ARHGAP28: variants seen among roughly 807,000 people sequenced by gnomAD.
ARHGAP28 encodes rho GTPase-activating protein 28.
ARHGAP28 carries 56 observed loss-of-function variants against 90.7 expected under a neutral mutation model. The ratio of observed to expected loss-of-function variants is 0.62; its 90% CI spans 0.50 to 0.77. The LOEUF is 0.77. Among genes scored for constraint, ARHGAP28 ranks in the 30% least tolerant of loss-of-function variants. The pLI is 0.00. For synonymous variants in ARHGAP28, 308 were observed against 323.3 expected (o/e 0.95, Z 0.51); for missense variants, 869 against 900.9 (o/e 0.96, Z 0.45).
intron 1 of ARHGAP28, among the ~76,000 whole-genome samples, chr18:6,763,897 T>G (rs185829431): frequency 1.3e-4 from 20 of 152,342 alleles, no homozygotes; most frequent in African/African-American, 3.8e-4. Flanking sequence ...TGCAGTTCTC[T>G]TTATTTAGGT....
At chr18:6,889,867 C>T (rs1337277268) in intron 12 of ARHGAP28, 21 bp from the exon 13 acceptor site, 1 of 1,610,888 alleles carries the variant, frequency 6.2e-7, no homozygotes, top group Admixed American at 1.7e-5. Context: ...AATTGTATGA[C>T]ACAATGCTGT....
intron 1 of ARHGAP28, among the ~76,000 whole-genome samples, chr18:6,823,185 C>G (rs915473868): frequency 2.0e-5 from 3 of 152,226 alleles, no homozygotes; most frequent in South Asian, 2.1e-4. Flanking sequence ...AGTTGCAAAC[C>G]CATACCAACA....
intron 1 of ARHGAP28, among the ~76,000 whole-genome samples, chr18:6,796,850 A>G (rs2056445439): frequency 6.6e-6 from 1 of 152,186 alleles, no homozygotes. Context: ...CTGTGGTTTT[A>G]TATTTTATTC....
chr18:6,742,507 AT>A (rs758813951), intron 1 of ARHGAP28, among the ~76,000 whole-genome samples: 77 of 152,032 alleles, frequency 5.1e-4, no homozygotes, highest in Non-Finnish European at 9.4e-4. Context: ...TAGGTATTGA[AT>A]TTGGGAATTG....
intron 1 of ARHGAP28, among the ~76,000 whole-genome samples, chr18:6,767,779 A>G (rs192533328): frequency 3.3e-5 from 5 of 152,254 alleles, no homozygotes; most frequent in Admixed American, 3.3e-4. Context: ...CAATTACATC[A>G]TTATATGCCT....
At chr18:6,825,103 C>A (rs1215692229) in intron 2 of ARHGAP28, 139 bp downstream of exon 2, 3 of 842,916 alleles carry the variant, frequency 3.6e-6, no homozygotes, top group Non-Finnish European at 5.3e-6. Context: ...ATGATCTACT[C>A]CCACTGATTG....
Position 6,759,144 on chromosome 18 carries a change from G to A in ARHGAP28, c.122+29201G>A, listed in dbSNP as rs182476639. Among the ~76,000 whole-genome samples, 7 of 152,292 alleles carry A rather than the reference G, an allele frequency of 4.6e-5. No homozygotes were observed. In the East Asian group the frequency reaches 1.4e-3, roughly 29 times the overall value. On this transcript the variant is annotated intron_variant, in intron 1 of 17. Coordinates refer to ENST00000383472, the MANE Select transcript of ARHGAP28 (RefSeq NM_001366230.1). ...TGATACCTTACATATAGTTGGAAAG[G>A]AGGCAAATTCAGATATACTGGCAGC...
chr18:6,740,176 A>G (rs1483177471), intron 1 of ARHGAP28, among the ~76,000 whole-genome samples: 3 of 152,198 alleles, frequency 2.0e-5, no homozygotes, highest in Non-Finnish European at 4.4e-5. Context: ...TTCATAATGA[A>G]CATTGAGAAA....
Position 6,889,896 on chromosome 18 carries a change from G to C in ARHGAP28, c.1545G>C (p.Met515Ile), listed in dbSNP as rs1443942339. The change falls in exon 13 of 18, where the codon ATG becomes ATC. Residue 515 changes from methionine (M) to isoleucine (I), a missense_variant. By Grantham distance (10) the Met-to-Ile change is conservative. Transcript: ENST00000383472. ...DANRDAAQAL[M>I]TFFNKVIANE... ...ATGCTGTTTCTTCTTAGGCCCTCATGACATTCTTCAATAAAGTGATTGCCA... is the reference window on the plus strand; with the variant it reads ...ATGCTGTTTCTTCTTAGGCCCTCATCACATTCTTCAATAAAGTGATTGCCA... 1 of 1,613,976 alleles carries C rather than the reference G, an allele frequency of 6.2e-7. No homozygotes were observed. The highest frequency in any genetic ancestry group is 1.3e-5 in the African/African-American group (1 of 75,060).
Position 6,906,701 on chromosome 18 carries a change from A to T in ARHGAP28, c.2031-2259A>T, listed in dbSNP as rs76196110. ...CCCTTAGAAAATAATGTAGGAGAAA[A>T]CATTTATGATCTAAAACTAAAGAGT... On this transcript the variant is annotated intron_variant, in intron 16 of 17. Transcript: ENST00000383472. Among the ~76,000 whole-genome samples the T allele has an allele frequency of 4.9e-3, 753 of 152,338 alleles. 5 individuals are homozygous for T. Among genetic ancestry groups the T allele is most frequent in the Non-Finnish European group, 8.1e-3 (550 of 68,030 alleles).
chr18:6,836,105 G>A (rs377032822), intron 2 of ARHGAP28: 4 of 152,126 alleles, frequency 2.6e-5, no homozygotes, highest in East Asian at 1.9e-4. Flanking sequence ...CAGGAAACTC[G>A]TTTGTACTGG....
chr18:6,733,703 G>C (rs2055902765), intron 1 of ARHGAP28, among the ~76,000 whole-genome samples: 1 of 152,128 alleles, frequency 6.6e-6, no homozygotes, highest in Non-Finnish European at 1.5e-5. Context: ...ACATCTTTCT[G>C]TCCCTAATAG....
intron 1 of ARHGAP28, among the ~76,000 whole-genome samples, chr18:6,737,676 T>C (rs541741225): frequency 6.6e-6 from 1 of 152,228 alleles, no homozygotes; most frequent in Non-Finnish European, 1.5e-5. Flanking sequence ...TTTTTCATAA[T>C]GTATCATTCT....
In ARHGAP28 at chr18:6,877,235, G is replaced by A. The variant is rs139932090; in HGVS notation, c.1290+1027G>A. Among the ~76,000 whole-genome samples, 833 of 152,338 alleles carry A rather than the reference G, an allele frequency of 5.5e-3. 6 individuals are homozygous for A. The highest frequency in any genetic ancestry group is 0.01 in the Middle Eastern group (3 of 294). On this transcript the variant is annotated intron_variant, in intron 10 of 17. Coordinates refer to ENST00000383472, the MANE Select transcript of ARHGAP28 (RefSeq NM_001366230.1). ...TGGAAACTGAGAATAGATAGGCTGC[G>A]TCTATTGGATCCTCCAGAAAGCAGA... is the stretch of plus-strand genomic sequence containing the variant.
chr18:6,870,876 C>T (rs1194725639), intron 7 of ARHGAP28, 144 bp downstream of exon 7: 2 of 786,264 alleles, frequency 2.5e-6, no homozygotes, highest in Non-Finnish European at 3.8e-6. Context: ...TCTCGGCTCA[C>T]TGCAAGCTCT....
chr18:6,788,706 C>G (rs186887516), intron 1 of ARHGAP28: 1 of 152,174 alleles, frequency 6.6e-6, no homozygotes, highest in Non-Finnish European at 1.5e-5. Context: ...ACCTCATGAT[C>G]CACCTGCCTC....
intron 1 of ARHGAP28, among the ~76,000 whole-genome samples, chr18:6,741,106 AGTGAGT>A (rs2143178135): frequency 6.6e-6 from 1 of 152,296 alleles, no homozygotes; most frequent in South Asian, 2.1e-4. Flanking sequence ...ACATTATCTT[AGTGAGT>A]GTAAGTTGGA....
chr18:6,755,639 A>G (rs574792892), intron 1 of ARHGAP28, among the ~76,000 whole-genome samples: 1 of 152,244 alleles, frequency 6.6e-6, no homozygotes, highest in Non-Finnish European at 1.5e-5. Flanking sequence ...ATATTTTATT[A>G]TTCAAAATGA....
At chr18:6,820,178 G>C (rs1033826971) in intron 1 of ARHGAP28, among the ~76,000 whole-genome samples, 1 of 151,948 alleles carries the variant, frequency 6.6e-6, no homozygotes, top group African/African-American at 2.4e-5. Context: ...GAGGATAGAT[G>C]GGCAAAAATT....
Sources: gnomAD v4.1 joint callset for allele counts (sites outside exome capture counted in the v4.1 genomes callset) on GRCh38, gnomAD v4.1.1 for gene constraint, MANE v1.5 for transcripts, NCBI Gene and HGNC (gene_info 2026-07-23, HGNC 2026-07-21) for gene names.